TVP23C: variants seen among roughly 807,000 people sequenced by gnomAD.
TVP23C encodes the protein trans-golgi network vesicle protein 23 homolog C.
TVP23C carries 19 observed loss-of-function variants against 28.7 expected under a neutral mutation model. The observed-to-expected ratio is 0.66, with a 90% confidence interval of 0.46 to 0.97. The LOEUF is 0.97. Ranked by LOEUF, TVP23C falls within the 50% of genes least tolerant of loss-of-function variation. The pLI is 0.00. For missense variants in TVP23C, 186 were observed against 241.3 expected, an observed-to-expected ratio of 0.77 and a Z score of 1.52; for synonymous variants, 68 against 81.7, an observed-to-expected ratio of 0.83 and a Z score of 0.90.
At chr17:15,561,121 C>T (rs1984363239) in intron 1 of TVP23C, among the ~76,000 whole-genome samples, 1 of 152,148 alleles carries the variant, frequency 6.6e-6, no homozygotes, top group Non-Finnish European at 1.5e-5. Flanking sequence ...TGTCTTCCGA[C>T]GGCTTCCATT....
At chr17:15,503,154 C>A (rs1185491166) in exon 6 of TVP23C, 4 of 1,601,066 alleles carry the variant, frequency 2.5e-6, no homozygotes, top group East Asian at 2.3e-5. Context: ...GTTATCCCAG[C>A]GCTTTGGAAG....
At chr17:15,523,867 C>G (rs1193708769) in intron 5 of TVP23C, among the ~76,000 whole-genome samples, 2 of 152,208 alleles carry the variant, frequency 1.3e-5, no homozygotes, top group Non-Finnish European at 2.9e-5. Context: ...CCCGCCTCGG[C>G]CTCCCAAAGT....
chr17:15,515,147 G>A (rs1214784810), intron 5 of TVP23C, among the ~76,000 whole-genome samples: 1 of 152,030 alleles, frequency 6.6e-6, no homozygotes, highest in African/African-American at 2.4e-5. Flanking sequence ...ACAGATGTGA[G>A]AGCAAGAAAG....
intron 5 of TVP23C, among the ~76,000 whole-genome samples, chr17:15,509,726 C>T (rs1981921320): frequency 6.6e-6 from 1 of 152,180 alleles, no homozygotes; most frequent in Non-Finnish European, 1.5e-5. Context: ...GGGAAAAATA[C>T]AGAAAAATCC....
chr17:15,527,457 G>A (rs987987045), intron 5 of TVP23C, among the ~76,000 whole-genome samples: 1 of 151,904 alleles, frequency 6.6e-6, no homozygotes, highest in Non-Finnish European at 1.5e-5. Context: ...ATTAAAAGAG[G>A]AGCCACTTAA....
intron 5 of TVP23C, among the ~76,000 whole-genome samples, chr17:15,545,075 T>G (rs1012654304): frequency 6.6e-6 from 1 of 152,164 alleles, no homozygotes; most frequent in African/African-American, 2.4e-5. Flanking sequence ...AGCAACAATA[T>G]CTCCTCTTCC....
At chr17:15,506,405 C>A (rs1981744509) in intron 5 of TVP23C, among the ~76,000 whole-genome samples, 1 of 152,116 alleles carries the variant, frequency 6.6e-6, no homozygotes, top group African/African-American at 2.4e-5. Context: ...CTGGTGGGGC[C>A]TTGGAGAACC....
intron 5 of TVP23C, among the ~76,000 whole-genome samples, chr17:15,528,661 C>A (rs539724922): frequency 6.6e-6 from 1 of 151,358 alleles, no homozygotes; most frequent in African/African-American, 2.4e-5. Context: ...GCTGGAGTGC[C>A]GTGGCGTGAT....
At chr17:15,552,317 T>C (rs1211107168) in intron 3 of TVP23C, among the ~76,000 whole-genome samples, 2 of 152,162 alleles carry the variant, frequency 1.3e-5, no homozygotes, top group African/African-American at 2.4e-5. Context: ...ACCTTTGAAA[T>C]CTTCCTTCTC....
At chr17:15,526,384 C>T (rs907673646) in intron 5 of TVP23C, among the ~76,000 whole-genome samples, 21 of 152,160 alleles carry the variant, frequency 1.4e-4, no homozygotes. Flanking sequence ...GCTACTGATC[C>T]CCCAATCCTC....
At chr17:15,522,155 C>T (rs1982508140) in intron 5 of TVP23C, among the ~76,000 whole-genome samples, 2 of 151,998 alleles carry the variant, frequency 1.3e-5, no homozygotes, top group Admixed American at 6.6e-5. Flanking sequence ...CTACCTCACA[C>T]CATACCAAAA....
chr17:15,502,785 C>G (rs1981517062), exon 6 of TVP23C: 2 of 1,470,750 alleles, frequency 1.4e-6, no homozygotes. Flanking sequence ...TCTCTTCCCT[C>G]CCTCTCTCCT....
chr17:15,553,754 G>A lies in TVP23C; in HGVS notation c.171C>T (p.Leu57=). Reference sequence around the variant, plus strand: ...CCATACAGGTAATAAAGCTGCTGCTGAGCAACTCACAGAGAAGACAGACGA... The same window carrying A: ...CCATACAGGTAATAAAGCTGCTGCTAAGCAACTCACAGAGAAGACAGACGA... The part of the protein sequence containing the change: ...AIIVCLLCEL[L]SSSFITCMVT... Residue 57 remains leucine, a synonymous_variant, in exon 3 of 6, where the codon CTC becomes CTT. Transcript: ENST00000518321. 1 of 1,613,922 alleles carries A rather than the reference G, an allele frequency of 6.2e-7. No individual in the cohort carries two copies.
chr17:15,526,835 C>G (rs1240057996), intron 5 of TVP23C, among the ~76,000 whole-genome samples: 1 of 151,896 alleles, frequency 6.6e-6, no homozygotes, highest in South Asian at 2.1e-4. Flanking sequence ...TGGATTTCAA[C>G]AATTATGTGA....
chr17:15,502,922 T>C (rs766067185), exon 6 of TVP23C: 16 of 1,613,080 alleles, frequency 9.9e-6, no homozygotes, highest in East Asian at 2.2e-5. Context: ...TCCTCTGCTA[T>C]TGGGACTCTC....
intron 4 of TVP23C, 140 bp from the exon 5 acceptor site, chr17:15,546,056 C>T (rs879126397): frequency 6.3e-6 from 8 of 1,279,948 alleles, no homozygotes; most frequent in Middle Eastern, 2.4e-4. Context: ...CCCAAAAATA[C>T]ATGACTATCA....
In TVP23C at chr17:15,553,801, A is replaced by G. The variant is rs1187196173; in HGVS notation, c.124T>C (p.Phe42Leu). 7 of 1,613,856 alleles carry G rather than the reference A, an allele frequency of 4.3e-6. No homozygotes were observed. The highest frequency in any genetic ancestry group is 4.5e-5 in the East Asian group (2 of 44,892). Reference sequence around the variant, plus strand: ...ACGATGATTGCACTGACTCGAAAGAATAAGTGGAAAAACGATGCTACTGGA... The same window carrying G: ...ACGATGATTGCACTGACTCGAAAGAGTAAGTGGAAAAACGATGCTACTGGA... ...RHPVASFFHL[F>L]FRVSAIIVCL... is the part of the protein sequence containing the mutation. The change falls in exon 3 of 6, where the codon TTC (phenylalanine) becomes CTC (leucine). Residue 42 changes from phenylalanine (F) to leucine (L), a missense_variant. Phe to Leu is a conservative substitution (Grantham distance 22). Coordinates refer to ENST00000518321, the MANE Select transcript of TVP23C (RefSeq NM_001135036.2).
chr17:15,563,115 G>A, intron 1 of TVP23C: 1 of 429,328 alleles, frequency 2.3e-6, no homozygotes, highest in East Asian at 3.6e-5. Context: ...AAGCTAAGAG[G>A]CCCGCAGGCC....
chr17:15,515,416 G>A (rs992655799), intron 5 of TVP23C, among the ~76,000 whole-genome samples: 1 of 152,162 alleles, frequency 6.6e-6, no homozygotes, highest in African/African-American at 2.4e-5. Context: ...ACCAGGCACC[G>A]GGCCAGGCGC....
Sources: allele counts gnomAD v4.1 joint callset (sites outside exome capture counted in the v4.1 genomes callset), GRCh38; gene constraint gnomAD v4.1.1; transcripts MANE v1.5; gene names NCBI Gene and HGNC (gene_info 2026-07-23, HGNC 2026-07-21).